The following PDE10A variants were observed in gnomAD, a reference collection of about 807,000 sequenced individuals.
PDE10A encodes the protein phosphodiesterase 10A, also known as cAMP and cAMP-inhibited cGMP 3',5'-cyclic phosphodiesterase 10A.
Under a neutral mutation model 97.7 loss-of-function variants are expected in PDE10A, and 39 were observed. That is an observed-to-expected ratio of 0.40 (90% CI 0.31 to 0.52). The LOEUF (loss-of-function observed/expected upper bound fraction) is 0.52. Ranked by LOEUF, PDE10A falls within the 20% of genes least tolerant of loss-of-function variation. The pLI is 0.56. For missense variants in PDE10A, 731 were observed against 1,047.8 expected (o/e 0.70, Z 4.17); for synonymous variants, 371 against 376.8 (o/e 0.98, Z 0.18).
intron 5 of PDE10A, among the ~76,000 whole-genome samples, chr6:165,447,060 T>C (rs1252056613): frequency 6.6e-6 from 1 of 152,118 alleles, no homozygotes; most frequent in East Asian, 1.9e-4. Context: ...AACTACTTCA[T>C]TGAGGCCAGT....
intron 18 of PDE10A, among the ~76,000 whole-genome samples, chr6:165,373,804 C>A (rs1784426387): frequency 6.6e-6 from 1 of 151,842 alleles, no homozygotes; most frequent in Admixed American, 6.6e-5. Context: ...CGGCACTATT[C>A]ACTATAGCAA....
At chr6:165,945,953 A>T (rs1012919878) in intron 1 of PDE10A, among the ~76,000 whole-genome samples, 1 of 152,242 alleles carries the variant, frequency 6.6e-6, no homozygotes, top group South Asian at 2.1e-4. Context: ...TGCTATTTTT[A>T]CATTTAAAGA....
chr6:165,440,523 A>T (rs142408173), intron 5 of PDE10A, among the ~76,000 whole-genome samples: 2 of 152,220 alleles, frequency 1.3e-5, no homozygotes, highest in African/African-American at 4.8e-5. Flanking sequence ...TGCTCTTTGT[A>T]GAAAGCACAG....
chr6:165,691,223 A>C (rs1791287959), intron 1 of PDE10A, among the ~76,000 whole-genome samples: 1 of 142,668 alleles, frequency 7.0e-6, no homozygotes, highest in African/African-American at 2.9e-5. Context: ...ACACACACAC[A>C]CACACACACA....
In PDE10A at chr6:165,503,670, G is replaced by A. The variant is rs185588713; in HGVS notation, c.995-21327C>T. On this transcript the variant is annotated intron_variant, in intron 2 of 21. Transcript: ENST00000539869. ...CACCTGTTCACTGGAATGAAGAAAA[G>A]TTAGAAAGAAGCCATTAAAGACAGG... Among the ~76,000 whole-genome samples the A allele has an allele frequency of 9.0e-4, 137 of 152,276 alleles. 2 individuals are homozygous for A. Among genetic ancestry groups the A allele is most frequent in the East Asian group, 1.2e-3 (6 of 5,176 alleles).
At chr6:165,476,701 A>C (rs952461156) in intron 3 of PDE10A, among the ~76,000 whole-genome samples, 1 of 152,248 alleles carries the variant, frequency 6.6e-6, no homozygotes, top group African/African-American at 2.4e-5. Context: ...AGTGAAAGTA[A>C]CAAATTCAAA....
intron 1 of PDE10A, among the ~76,000 whole-genome samples, chr6:165,915,089 G>A (rs1251663744): frequency 2.0e-5 from 3 of 152,162 alleles, no homozygotes; most frequent in African/African-American, 7.2e-5. Context: ...CAAATAGCAT[G>A]CATGGAACTC....
intron 1 of PDE10A, among the ~76,000 whole-genome samples, chr6:165,654,926 T>A (rs1193948759): frequency 6.6e-6 from 1 of 152,206 alleles, no homozygotes; most frequent in African/African-American, 2.4e-5. Flanking sequence ...GGGTGCTCCA[T>A]GGCTCTGCCT....
At chr6:165,413,311 G>A (rs1271559548) in intron 13 of PDE10A, among the ~76,000 whole-genome samples, 190 bp downstream of exon 13, 1 of 151,584 alleles carries the variant, frequency 6.6e-6, no homozygotes, top group Non-Finnish European at 1.5e-5. Flanking sequence ...AAACTATTAG[G>A]AGACTGTTAT....
At chr6:165,407,528 T>C (rs942157668) in intron 13 of PDE10A, among the ~76,000 whole-genome samples, 1 of 152,242 alleles carries the variant, frequency 6.6e-6, no homozygotes, top group African/African-American at 2.4e-5. Flanking sequence ...GTTGTTCTTA[T>C]CATAGTCATC....
chr6:165,381,608 G>A (rs1784928944), intron 17 of PDE10A, among the ~76,000 whole-genome samples: 1 of 150,594 alleles, frequency 6.6e-6, no homozygotes, highest in Non-Finnish European at 1.5e-5. Flanking sequence ...GGGATTACAG[G>A]GACGCACCAC....
intron 10 of PDE10A, among the ~76,000 whole-genome samples, chr6:165,427,462 G>A (rs866037296): frequency 2.0e-5 from 3 of 152,120 alleles, no homozygotes; most frequent in Non-Finnish European, 4.4e-5. Flanking sequence ...TAGGGCTGGT[G>A]AGGCAAGTGG....
rs73786809 is a variant in PDE10A at position 165,894,192 on chromosome 6, G to A, written c.-615+93337C>T. 2.2e-3 allele frequency: 914 copies of A among 407,254 alleles called. 6 individuals are homozygous for A. The highest frequency in any genetic ancestry group is 0.015 in the African/African-American group (748 of 48,458). The allele number at this position is 407,254 out of a possible 1,614,324, so 25.2% of individuals were successfully genotyped here. A position where few individuals can be genotyped will look rare whatever the true frequency, so the allele number is the denominator to read the frequency against. ...TTTAGGAACTACATTCCCAAAGAGTGCTTTCCGAAGGAGAGCCGTCTCTGG... is the reference window on the plus strand; with the variant it reads ...TTTAGGAACTACATTCCCAAAGAGTACTTTCCGAAGGAGAGCCGTCTCTGG... On this transcript the variant is annotated intron_variant, in intron 1 of 19. Coordinates refer to the PDE10A transcript ENST00000366882.
At chr6:165,783,175 T>C (rs1358397642) in intron 1 of PDE10A, among the ~76,000 whole-genome samples, 1 of 152,232 alleles carries the variant, frequency 6.6e-6, no homozygotes, top group Admixed American at 6.5e-5. Context: ...ATGCTATGCC[T>C]GAAGCCCCTT....
chr6:165,744,668 A>C (rs1442826774), intron 1 of PDE10A, among the ~76,000 whole-genome samples: 1 of 152,142 alleles, frequency 6.6e-6, no homozygotes, highest in Non-Finnish European at 1.5e-5. Context: ...GTGAACACTC[A>C]TGTATTCCAC....
intron 1 of PDE10A, among the ~76,000 whole-genome samples, chr6:165,853,884 C>G (rs1370418106): frequency 6.6e-6 from 1 of 152,200 alleles, no homozygotes; most frequent in East Asian, 1.9e-4. Context: ...ACCTGTCCTC[C>G]GAAACTGTGC....
intron 3 of PDE10A, among the ~76,000 whole-genome samples, chr6:165,469,002 G>A (rs1778828869): frequency 6.6e-6 from 1 of 152,106 alleles, no homozygotes; most frequent in Non-Finnish European, 1.5e-5. Flanking sequence ...CAAAACAGGT[G>A]GTAATTTAAG....
chr6:165,761,059 G>T (rs553402671), intron 1 of PDE10A, among the ~76,000 whole-genome samples: 2 of 152,324 alleles, frequency 1.3e-5, no homozygotes, highest in South Asian at 4.1e-4. Context: ...GCCGGGAGGG[G>T]CCTGGCCTCT....
intron 1 of PDE10A, among the ~76,000 whole-genome samples, chr6:165,706,629 A>G (rs900184587): frequency 1.3e-5 from 2 of 152,212 alleles, no homozygotes; most frequent in Non-Finnish European, 2.9e-5. Context: ...CTGTGACTAA[A>G]TCAGCACATT....
Sources: gnomAD v4.1 joint callset for allele counts (sites outside exome capture counted in the v4.1 genomes callset) on GRCh38, gnomAD v4.1.1 for gene constraint, MANE v1.5 for transcripts, NCBI Gene and HGNC (gene_info 2026-07-23, HGNC 2026-07-21) for gene names.